Variants in PCDHA13 observed in about 807,000 individuals in gnomAD.
PCDHA13 encodes the protein protocadherin alpha 13.
Under a neutral mutation model 64.8 loss-of-function variants are expected in PCDHA13, and 54 were observed. The ratio of observed to expected loss-of-function variants is 0.83; its 90% CI spans 0.67 to 1.04. The LOEUF (loss-of-function observed/expected upper bound fraction) is 1.04, where lower values mean the gene tolerates loss of function less well. Ranked by LOEUF, PCDHA13 falls within the 50% of genes least tolerant of loss-of-function variation. PCDHA13 has a pLI of 0.00. For missense variants in PCDHA13, 1,248 were observed against 1,254.3 expected (o/e 0.99, Z 0.08); for synonymous variants, 587 against 564.4 (o/e 1.04, Z -0.57).
chr5:140,894,603 C>G (rs782068626), intron 1 of PCDHA13, among the ~76,000 whole-genome samples: 1 of 151,756 alleles, frequency 6.6e-6, no homozygotes, highest in African/African-American at 2.4e-5. Context: ...TTTCTCATCT[C>G]TCTTTTCAAA....
intron 3 of PCDHA13, among the ~76,000 whole-genome samples, chr5:141,008,680 T>C (rs2098386787): frequency 6.6e-6 from 1 of 152,220 alleles, no homozygotes; most frequent in Non-Finnish European, 1.5e-5. Flanking sequence ...ATACTTTAGT[T>C]ATTGCATGTA....
chr5:140,933,314 G>A (rs925777839), intron 1 of PCDHA13, among the ~76,000 whole-genome samples: 2 of 151,914 alleles, frequency 1.3e-5, no homozygotes, highest in Non-Finnish European at 2.9e-5. Flanking sequence ...ATGCAATCTC[G>A]TATTCTCCTG....
chr5:140,934,998 T>A (rs1242919330), intron 1 of PCDHA13, among the ~76,000 whole-genome samples: 1 of 152,198 alleles, frequency 6.6e-6, no homozygotes, highest in Non-Finnish European at 1.5e-5. Flanking sequence ...CCCTGAATCC[T>A]TTTCATGTGA....
At chr5:141,007,395 CAAAAAAAAAAAA>C (rs35800918) in intron 3 of PCDHA13, among the ~76,000 whole-genome samples, 1 of 94,866 alleles carries the variant, frequency 1.1e-5, no homozygotes, top group Non-Finnish European at 2.1e-5. Flanking sequence ...TACTAAAATA[CAAAAAAAAAAAA>C]AAAAAAAAAA....
intron 3 of PCDHA13, among the ~76,000 whole-genome samples, chr5:141,006,194 A>G (rs1455369245): frequency 1.3e-5 from 2 of 149,246 alleles, no homozygotes; most frequent in African/African-American, 2.5e-5. Context: ...TGCTATATGT[A>G]TGTTATGCCT....
In PCDHA13 at chr5:140,968,167, A is replaced by G. The variant is rs782252124; in HGVS notation, c.2395-10782A>G. 1.3e-4 allele frequency: 217 copies of G among 1,613,958 alleles called. 1 individual carries two copies. The highest frequency in any genetic ancestry group is 9.3e-6 in the Non-Finnish European group (11 of 1,180,038). On this transcript the variant is annotated intron_variant, in intron 1 of 3. Transcript: ENST00000289272. ...TCTCTGACATCAATGACAATCCACC[A>G]AGCTTCCTGGAGGACTCCTATTCCA...
At chr5:140,968,396 G>A (rs1181874720) in intron 1 of PCDHA13, 1 of 1,613,890 alleles carries the variant, frequency 6.2e-7, no homozygotes, top group Non-Finnish European at 8.5e-7. Flanking sequence ...GAAGTTTCGG[G>A]AGTTCTTTGT....
chr5:140,949,958 T>G (rs1192385409), intron 1 of PCDHA13, among the ~76,000 whole-genome samples: 1 of 151,896 alleles, frequency 6.6e-6, no homozygotes, highest in Non-Finnish European at 1.5e-5. Context: ...GTGGTTGCTG[T>G]AAGGATTACA....
intron 3 of PCDHA13, among the ~76,000 whole-genome samples, chr5:141,000,501 C>G (rs1252221313): frequency 2.1e-5 from 3 of 139,584 alleles, no homozygotes; most frequent in Admixed American, 7.5e-5. Flanking sequence ...GATCTCGGCT[C>G]ACTGCAACCT....
intron 3 of PCDHA13, among the ~76,000 whole-genome samples, chr5:140,996,256 A>C (rs2097718697): frequency 6.6e-6 from 1 of 152,252 alleles, no homozygotes. Flanking sequence ...TGACAGCAAC[A>C]CAGAGCCTGG....
At position 140,927,544 on chromosome 5, in the gene PCDHA13, C is replaced by G. The variant is rs1442526060; in HGVS notation, c.2394+42882C>G. 2.5e-6 allele frequency: 4 copies of G among 1,614,034 alleles called. No homozygotes were observed. The East Asian group carries it at 6.7e-5, about 27-fold the overall frequency. ...GCTACCTGCCCGCTCAGGAGACGCA[C>G]AAGTCACCATCATTGTGGTGGACAC... On this transcript the variant is annotated intron_variant, in intron 1 of 3. Transcript: ENST00000289272.
chr5:140,971,488 A>C (rs17119328), intron 1 of PCDHA13, among the ~76,000 whole-genome samples: 9,487 of 152,206 alleles, frequency 0.062, 310 homozygotes, highest in African/African-American at 0.074. Flanking sequence ...ACATTGTTAC[A>C]GTGTGGCAAG....
intron 1 of PCDHA13, among the ~76,000 whole-genome samples, chr5:140,917,700 T>C (rs879971168): frequency 2.0e-5 from 3 of 152,166 alleles, no homozygotes; most frequent in Non-Finnish European, 4.4e-5. Flanking sequence ...GATCAGATAA[T>C]TGTAGGTGTG....
At chr5:140,926,391 A>G (rs76822698) in intron 1 of PCDHA13, 1 of 152,346 alleles carries the variant, frequency 6.6e-6, no homozygotes, top group East Asian at 1.9e-4. Context: ...GGGCTCAGCC[A>G]CAGTTATCAG....
intron 1 of PCDHA13, chr5:140,927,555 C>G: frequency 6.2e-7 from 1 of 1,614,176 alleles, no homozygotes. Context: ...AAGTCACCAT[C>G]ATTGTGGTGG....
intron 1 of PCDHA13, chr5:140,967,098 G>C: frequency 6.2e-7 from 1 of 1,613,130 alleles, no homozygotes; most frequent in Non-Finnish European, 8.5e-7. Flanking sequence ...GAGGCGCTGT[G>C]TGAGCAGCGG....
chr5:140,926,891 G>A, intron 1 of PCDHA13: 9 of 1,545,914 alleles, frequency 5.8e-6, no homozygotes, highest in Non-Finnish European at 7.9e-6. Context: ...CCTAGAGGGA[G>A]GATGGTGGGC....
At chr5:140,991,214 A>G (rs922136535) in intron 3 of PCDHA13, among the ~76,000 whole-genome samples, 4 of 152,202 alleles carry the variant, frequency 2.6e-5, no homozygotes, top group Non-Finnish European at 4.4e-5. Context: ...AATTTTGTTA[A>G]ATTCATTAAT....
chr5:140,981,443 G>A lies in PCDHA13; in HGVS notation c.2454-1032G>A, dbSNP rs530782878. ...ACAAAAATGAGCCAGGCATGGTGGC[G>A]GGTGCCTGTAGTCCCAGCTACTTGG... On this transcript the variant is annotated intron_variant, in intron 2 of 3. Transcript: ENST00000289272. Among the ~76,000 whole-genome samples, 6 of 152,126 alleles carry A rather than the reference G, an allele frequency of 3.9e-5. No homozygotes were observed. The Middle Eastern group carries it at 0.01, about 259-fold the overall frequency.
Sources: allele counts gnomAD v4.1 joint callset (sites outside exome capture counted in the v4.1 genomes callset), GRCh38; gene constraint gnomAD v4.1.1; transcripts MANE v1.5; gene names NCBI Gene and HGNC (gene_info 2026-07-23, HGNC 2026-07-21).